NUP205: variants seen among roughly 807,000 people sequenced by gnomAD.
NUP205 encodes the protein nucleoporin 205.
A neutral mutation model predicts 253.8 loss-of-function variants in NUP205; 76 were observed. That is an observed-to-expected ratio of 0.30 (90% CI 0.25 to 0.36). The LOEUF is 0.36. NUP205 is among the 10% of genes least tolerant of loss of function. The pLI, the probability that NUP205 is intolerant of heterozygous loss-of-function variation, is 1.00. For missense variants in NUP205, 2,162 were observed against 2,425.5 expected (o/e 0.89, Z 2.28); for synonymous variants, 832 against 850.1 (o/e 0.98, Z 0.37).
intron 12 of NUP205, 64 bp downstream of exon 12, chr7:135,593,256 CA>C: frequency 7.4e-7 from 1 of 1,359,630 alleles, no homozygotes. Flanking sequence ...TTAAGAGCCC[CA>C]AACATTTTCT....
intron 27 of NUP205, 61 bp from the exon 28 acceptor site, chr7:135,618,351 C>T (rs1311760302): frequency 1.4e-5 from 19 of 1,382,236 alleles, no homozygotes; most frequent in Non-Finnish European, 1.1e-5. Flanking sequence ...TTCTGAGTAA[C>T]TGACAGATAA....
At chr7:135,583,784 G>C (rs560036241) in intron 7 of NUP205, among the ~76,000 whole-genome samples, 88 of 151,550 alleles carry the variant, frequency 5.8e-4, no homozygotes, top group African/African-American at 1.9e-3. Flanking sequence ...ATAAAGATAC[G>C]ATAATGGTGT....
At chr7:135,608,706 C>T (rs934361221) in intron 22 of NUP205, among the ~76,000 whole-genome samples, 1 of 150,944 alleles carries the variant, frequency 6.6e-6, no homozygotes, top group Admixed American at 6.6e-5. Flanking sequence ...GACTCTGTCT[C>T]AAAAAAAATA....
chr7:135,618,266 A>G, intron 27 of NUP205, 146 bp from the exon 28 acceptor site: 1 of 658,646 alleles, frequency 1.5e-6, no homozygotes, highest in Admixed American at 2.7e-5. Context: ...TATTTTTTAT[A>G]GCCCTGGCTA....
intron 35 of NUP205, 36 bp from the exon 36 acceptor site, chr7:135,635,545 A>G (rs1217185550): frequency 7.2e-6 from 8 of 1,110,600 alleles, no homozygotes; most frequent in Non-Finnish European, 1.1e-5. Context: ...TTTGTTTATT[A>G]TAATAATATG....
At chr7:135,646,289 G>A in intron 42 of NUP205, 58 bp downstream of exon 42, 3 of 1,208,892 alleles carry the variant, frequency 2.5e-6, no homozygotes, top group Non-Finnish European at 3.7e-6. Flanking sequence ...AGGGCTGGGT[G>A]TGATGGTACA....
At chr7:135,634,355 A>C (rs562732392) in intron 35 of NUP205, among the ~76,000 whole-genome samples, 9 of 152,366 alleles carry the variant, frequency 5.9e-5, no homozygotes, top group African/African-American at 2.2e-4. Context: ...TTGAGGCAGC[A>C]GTTGACATGC....
intron 12 of NUP205, among the ~76,000 whole-genome samples, chr7:135,593,697 A>G (rs1229193155): frequency 1.3e-5 from 2 of 152,192 alleles, no homozygotes; most frequent in East Asian, 3.8e-4. Flanking sequence ...TGTTCACTAG[A>G]ATAGTCTGAC....
At chr7:135,576,527 C>A in intron 4 of NUP205, 113 bp downstream of exon 4, 1 of 812,926 alleles carries the variant, frequency 1.2e-6, no homozygotes, top group Non-Finnish European at 2.0e-6. Flanking sequence ...GAGTAATATA[C>A]TCCCTTATTC....
In NUP205 at chr7:135,591,484, A is replaced by G; in HGVS notation, c.1508A>G (p.Asp503Gly). Residue 503 changes from aspartate to glycine, a missense_variant, in exon 11 of 43, where the codon GAC becomes GGC. By Grantham distance (94) the Asp-to-Gly change is moderately conservative (BLOSUM62 -1). Coordinates refer to ENST00000285968, the MANE Select transcript of NUP205 (RefSeq NM_015135.3). Reference sequence around the variant, plus strand: ...TCAAAGTTTGTTAGGCAAATGGGTGACCTGTTGCCTCCAACTATTTATATT... The same window carrying G: ...TCAAAGTTTGTTAGGCAAATGGGTGGCCTGTTGCCTCCAACTATTTATATT... ...VLSKFVRQMG[D>G]LLPPTIYIPY... 6.2e-7 allele frequency: 1 copy of G among 1,613,820 alleles called. No homozygotes were observed. Among genetic ancestry groups the G allele is most frequent in the Non-Finnish European group, 8.5e-7 (1 of 1,179,758 alleles).
chr7:135,606,035 G>A lies in NUP205; in HGVS notation c.2824-110G>A, dbSNP rs1196618658. The A allele has an allele frequency of 4.1e-6, 3 of 724,920 alleles. No homozygotes were observed. In the African/African-American group the frequency reaches 5.3e-5, roughly 13 times the overall value. 44.9% of individuals were successfully genotyped at this position (724,920 alleles called of 1,614,324 possible). The stretch of plus-strand genomic sequence containing the variant: ...TAACTAAAACGTAAATACCTAAGCA[G>A]GTTTGCCTATTTTTCCTTATGGATG... On this transcript the variant is annotated intron_variant, in intron 19 of 42. Transcript: ENST00000285968.
At chr7:135,641,584 T>C (rs117784919) in intron 38 of NUP205, among the ~76,000 whole-genome samples, 7,071 of 151,340 alleles carry the variant, frequency 0.047, 224 homozygotes, top group Non-Finnish European at 0.072. Context: ...GCCTGGGCAA[T>C]ATGGCAAAAC....
At chr7:135,608,682 G>T (rs916187897) in intron 22 of NUP205, among the ~76,000 whole-genome samples, 1 of 151,710 alleles carries the variant, frequency 6.6e-6, no homozygotes, top group Non-Finnish European at 1.5e-5. Context: ...CACTCCAGCT[G>T]GGTGGCAAAG....
intron 1 of NUP205, among the ~76,000 whole-genome samples, chr7:135,567,035 G>A (rs759140240): frequency 6.7e-6 from 1 of 148,418 alleles, no homozygotes; most frequent in Non-Finnish European, 1.5e-5. Context: ...CACTGCACCC[G>A]GCCTGGAATT....
intron 17 of NUP205, among the ~76,000 whole-genome samples, chr7:135,602,119 A>G (rs73452458): frequency 0.023 from 3,452 of 152,318 alleles, 149 homozygotes; most frequent in African/African-American, 0.079. Context: ...TTTTACCACG[A>G]TGCTATATTA....
At chr7:135,625,403 T>C in intron 32 of NUP205, 48 bp downstream of exon 32, 1 of 1,403,754 alleles carries the variant, frequency 7.1e-7, no homozygotes, top group Non-Finnish European at 9.7e-7. Flanking sequence ...TCGTTTTCTC[T>C]TGGCTATAGA....
intron 22 of NUP205, among the ~76,000 whole-genome samples, chr7:135,608,025 C>CT (rs59973248): frequency 3.3e-5 from 4 of 120,222 alleles, no homozygotes; most frequent in African/African-American, 9.6e-5. Flanking sequence ...TGGGAAAGCA[C>CT]TTTTTTTTTT....
chr7:135,626,215 T>C, intron 32 of NUP205, 25 bp from the exon 33 acceptor site: 1 of 1,613,412 alleles, frequency 6.2e-7, no homozygotes, highest in Non-Finnish European at 8.5e-7. Context: ...TCAGCACTGA[T>C]GATTTTTCTC....
At chr7:135,632,109 A>G (rs933500575) in intron 35 of NUP205, among the ~76,000 whole-genome samples, 3 of 152,176 alleles carry the variant, frequency 2.0e-5, no homozygotes, top group African/African-American at 7.2e-5. Context: ...GCTGTCTCAT[A>G]TTCCTGAAAT....
Sources: gnomAD v4.1 joint callset for allele counts (sites outside exome capture counted in the v4.1 genomes callset) on GRCh38, gnomAD v4.1.1 for gene constraint, MANE v1.5 for transcripts, NCBI Gene and HGNC (gene_info 2026-07-23, HGNC 2026-07-21) for gene names.